ST13: variants seen among roughly 807,000 people sequenced by gnomAD.
ST13 encodes the protein ST13 Hsp70 interacting protein.
In ST13, 23 loss-of-function variants were observed where a neutral mutation model predicts 56.7. That is an observed-to-expected ratio of 0.41 (90% CI 0.29 to 0.57). The LOEUF (loss-of-function observed/expected upper bound fraction) is 0.57. Among genes scored for constraint, ST13 ranks in the 20% least tolerant of loss-of-function variants. ST13 has a pLI of 0.36. For missense variants in ST13, 369 were observed against 459.9 expected, an observed-to-expected ratio of 0.80 and a Z score of 1.81; for synonymous variants, 132 against 142.4, an observed-to-expected ratio of 0.93 and a Z score of 0.52.
intron 10 of ST13, 145 bp from the exon 11 acceptor site, chr22:40,827,374 A>C (rs2057733743): frequency 1.4e-6 from 1 of 727,026 alleles, no homozygotes; most frequent in Admixed American, 2.6e-5. Context: ...ACCAGACTGC[A>C]ACAAGACATA....
chr22:40,844,608 TGCAA>T (rs1220130431), intron 4 of ST13, among the ~76,000 whole-genome samples: 3 of 152,188 alleles, frequency 2.0e-5, no homozygotes, highest in Admixed American at 1.3e-4. Context: ...TGCGTTACAG[TGCAA>T]GCAGTCACAC....
At chr22:40,851,622 T>A (rs776735421) in intron 1 of ST13, among the ~76,000 whole-genome samples, 2 of 152,212 alleles carry the variant, frequency 1.3e-5, no homozygotes, top group African/African-American at 2.4e-5. Context: ...GTTGATAGAC[T>A]TAAGAGCACT....
intron 1 of ST13, among the ~76,000 whole-genome samples, chr22:40,852,214 C>A (rs750854061): frequency 2.6e-5 from 4 of 152,236 alleles, no homozygotes; most frequent in Non-Finnish European, 5.9e-5. Context: ...AATTGTTTCA[C>A]GCCTTGGCCA....
intron 11 of ST13, 25 bp from the exon 12 acceptor site, chr22:40,826,691 T>G (rs1431971385): frequency 6.2e-7 from 1 of 1,607,472 alleles, no homozygotes; most frequent in African/African-American, 1.3e-5. Flanking sequence ...TTCATTAGTA[T>G]TTAAAAAGTG....
chr22:40,850,781 T>C (rs768714613), intron 2 of ST13, 42 bp downstream of exon 2: 8 of 1,459,406 alleles, frequency 5.5e-6, no homozygotes, highest in Middle Eastern at 2.3e-4. Context: ...AGAAATCTTA[T>C]AGTACTTTAT....
chr22:40,838,525 CT>C (rs2057787878), intron 5 of ST13, among the ~76,000 whole-genome samples: 1 of 151,520 alleles, frequency 6.6e-6, no homozygotes, highest in Non-Finnish European at 1.5e-5. Flanking sequence ...CTTTCAGATG[CT>C]GAGCTTGGGA....
intron 1 of ST13, among the ~76,000 whole-genome samples, chr22:40,852,637 G>A (rs866682314): frequency 5.3e-5 from 8 of 152,288 alleles, no homozygotes; most frequent in South Asian, 2.1e-4. Flanking sequence ...TATGATAGAA[G>A]AAAATGTTAC....
rs2057720134 is a variant in ST13 at position 40,824,780 on chromosome 22, G to GC, written c.*1757dup. 1 of 152,162 alleles carries GC rather than the reference G, an allele frequency of 6.6e-6. No homozygotes were observed. The highest frequency in any genetic ancestry group is 2.1e-4 in the South Asian group (1 of 4,832). 9.4% of individuals were successfully genotyped at this position (152,162 alleles called of 1,614,324 possible). On this transcript the variant is annotated 3_prime_UTR_variant, in exon 12 of 12. Coordinates refer to ENST00000216218, the MANE Select transcript of ST13 (RefSeq NM_003932.5). The stretch of plus-strand genomic sequence containing the variant: ...AACAAAAGAACACACAAGCTCAAAT[G>GC]CAAGTTTATATGGTGAGTGTTTTTA...
chr22:40,829,639 A>G lies in ST13; in HGVS notation c.834T>C (p.Tyr278=), dbSNP rs768544786. ...CTTTAAATATACCTGGAAAAGAGCC[A>G]TACTGAGCTCCTGACTGTCGTCTGG... ...EEARRQSGAQ[Y]GSFPGGFPGG... The change falls in exon 10 of 12, where the codon TAT becomes TAC. Residue 278 remains tyrosine (Y), a synonymous_variant. Coordinates refer to ENST00000216218, the MANE Select transcript of ST13 (RefSeq NM_003932.5). 1.3e-6 allele frequency: 2 copies of G among 1,485,192 alleles called. No individual in the cohort carries two copies. The highest frequency in any genetic ancestry group is 1.4e-5 in the African/African-American group (1 of 72,478). The allele number at this position is 1,485,192 out of a possible 1,614,324, so 92.0% of individuals were successfully genotyped here. A position where few individuals can be genotyped will look rare whatever the true frequency, so the allele number is the denominator to read the frequency against.
intron 4 of ST13, among the ~76,000 whole-genome samples, chr22:40,844,282 CTT>C (rs2057820011): frequency 6.6e-6 from 1 of 152,142 alleles, no homozygotes; most frequent in South Asian, 2.1e-4. Flanking sequence ...AAAAACCAAT[CTT>C]TTAAAACTGC....
At chr22:40,833,383 C>A (rs941439373) in intron 7 of ST13, among the ~76,000 whole-genome samples, 1 of 150,684 alleles carries the variant, frequency 6.6e-6, no homozygotes, top group Non-Finnish European at 1.5e-5. Flanking sequence ...TCCTGGCTAA[C>A]CCGGTGAAAC....
At chr22:40,843,917 C>CT (rs1242393169) in intron 4 of ST13, among the ~76,000 whole-genome samples, 1 of 147,576 alleles carries the variant, frequency 6.8e-6, no homozygotes, top group East Asian at 2.0e-4. Flanking sequence ...GAGTTTTGCT[C>CT]TGTCGCTCAG....
In ST13 at chr22:40,848,440, A is replaced by C. The variant is rs1423098489; in HGVS notation, c.169-71T>G. ...CCGAATATTTATACTAATTTCTACA[A>C]ATCTATGTATAAACTGTCAAATATG... On this transcript the variant is annotated intron_variant, in intron 2 of 11. Transcript: ENST00000216218. 8 of 1,086,020 alleles carry C rather than the reference A, an allele frequency of 7.4e-6. No homozygotes were observed. The East Asian group carries it at 1.7e-4, about 23-fold the overall frequency. The allele number at this position is 1,086,020 out of a possible 1,614,324, so 67.3% of individuals were successfully genotyped here. A position where few individuals can be genotyped will look rare whatever the true frequency, so the allele number is the denominator to read the frequency against.
chr22:40,833,690 A>T (rs1347092630), intron 7 of ST13, among the ~76,000 whole-genome samples: 3 of 152,132 alleles, frequency 2.0e-5, no homozygotes, highest in Non-Finnish European at 4.4e-5. Context: ...AGCCTGGCCA[A>T]TGTGGCAAAA....
chr22:40,835,378 T>C lies in ST13; in HGVS notation c.578+182A>G. 5 of 385,792 alleles carry C rather than the reference T, an allele frequency of 1.3e-5. No homozygotes were observed. In the South Asian group the frequency reaches 2.2e-4, roughly 17 times the overall value. The allele number at this position is 385,792 out of a possible 1,614,324, so 23.9% of individuals were successfully genotyped here. A position where few individuals can be genotyped will look rare whatever the true frequency, so the allele number is the denominator to read the frequency against. On this transcript the variant is annotated intron_variant, in intron 7 of 11. Transcript: ENST00000216218. The stretch of plus-strand genomic sequence containing the variant: ...ATTCTCACTTCTTCTTTTAAATTTC[T>C]TTTTTTTTTCTTTTACCTTTTAAGC...
At chr22:40,835,916 T>C in intron 5 of ST13, 29 bp from the exon 6 acceptor site, 3 of 1,513,264 alleles carry the variant, frequency 2.0e-6, no homozygotes, top group Non-Finnish European at 2.7e-6. Context: ...TATCGAGAAA[T>C]ATTCAGAGGA....
intron 8 of ST13, chr22:40,832,348 A>C: frequency 1.8e-6 from 1 of 541,736 alleles, no homozygotes; most frequent in Non-Finnish European, 3.4e-6. Flanking sequence ...CAGGCTTCCA[A>C]ACAAAGTAAC....
At chr22:40,838,299 A>C (rs1424325849) in intron 5 of ST13, among the ~76,000 whole-genome samples, 2 of 152,214 alleles carry the variant, frequency 1.3e-5, no homozygotes, top group African/African-American at 4.8e-5. Context: ...TTAGAATACT[A>C]ATCTTTTATC....
chr22:40,837,185 A>C (rs1569000933), intron 5 of ST13, among the ~76,000 whole-genome samples: 1 of 152,256 alleles, frequency 6.6e-6, no homozygotes. Flanking sequence ...AAAGGACTTG[A>C]AAAGAACTCA....
Sources: gnomAD v4.1 joint callset for allele counts (sites outside exome capture counted in the v4.1 genomes callset) on GRCh38, gnomAD v4.1.1 for gene constraint, MANE v1.5 for transcripts, NCBI Gene and HGNC (gene_info 2026-07-23, HGNC 2026-07-21) for gene names.